TAPT1: variants seen among roughly 807,000 people sequenced by gnomAD.
TAPT1 encodes the protein transmembrane anterior posterior transformation 1, also known as transmembrane anterior posterior transformation protein 1 homolog.
TAPT1 carries 28 observed loss-of-function variants against 65.6 expected under a neutral mutation model. The observed-to-expected ratio is 0.43, with a 90% confidence interval of 0.32 to 0.59. The LOEUF is 0.59. Ranked by LOEUF, TAPT1 falls within the 20% of genes least tolerant of loss-of-function variation. The pLI is 0.09. For missense variants in TAPT1, 563 were observed against 679.9 expected (o/e 0.83, Z 1.91); for synonymous variants, 278 against 245.2 (o/e 1.13, Z -1.25).
At position 16,202,467 on chromosome 4, in the gene TAPT1, G is replaced by A; in HGVS notation, c.444C>T (p.Gly148=). 1 of 1,526,252 alleles carries A rather than the reference G, an allele frequency of 6.6e-7. No individual in the cohort carries two copies. The highest frequency in any genetic ancestry group is 8.9e-7 in the Non-Finnish European group (1 of 1,124,632). The allele number at this position is 1,526,252 out of a possible 1,614,324, so 94.5% of individuals were successfully genotyped here. A position where few individuals can be genotyped will look rare whatever the true frequency, so the allele number is the denominator to read the frequency against. Residue 148 remains glycine, a synonymous_variant, in exon 3 of 14, where the codon GGC becomes GGT. Coordinates refer to ENST00000405303, the MANE Select transcript of TAPT1 (RefSeq NM_153365.3). ...GTTAACGATCTTAAACTTACCTTAA[G>A]CCATAGCAAGGCAAAGTGAGGAGCC... ...LFRLLTLPCY[G]LRDRRLLQPA... is the part of the protein sequence containing the mutation.
intron 13 of TAPT1, 61 bp downstream of exon 13, chr4:16,166,572 C>A: frequency 1.3e-6 from 2 of 1,585,664 alleles, no homozygotes; most frequent in Non-Finnish European, 1.7e-6. Context: ...TAACATTGAT[C>A]AAACTGTGAT....
chr4:16,166,990 T>TC lies in TAPT1; in HGVS notation c.1314-198dup, dbSNP rs75337597. 9.6e-5 allele frequency: 29 copies of TC among 303,310 alleles called. No individual in the cohort carries two copies. The South Asian group carries it at 1.4e-3, about 15-fold the overall frequency. The allele number at this position is 303,310 out of a possible 1,614,324, so 18.8% of individuals were successfully genotyped here. A position where few individuals can be genotyped will look rare whatever the true frequency, so the allele number is the denominator to read the frequency against. On this transcript the variant is annotated intron_variant, in intron 12 of 13. Coordinates refer to ENST00000405303, the MANE Select transcript of TAPT1 (RefSeq NM_153365.3). ...GAAAAACTTCGGAATTCCTTAGTTC[T>TC]CTTTTTTTTTTTTTTTTTTTTTGAG...
At chr4:16,202,646 C>T in intron 2 of TAPT1, 66 bp from the exon 3 acceptor site, 1 of 843,934 alleles carries the variant, frequency 1.2e-6, no homozygotes, top group South Asian at 1.7e-5. Context: ...ATGAAAATTC[C>T]AAACAACCAG....
intron 8 of TAPT1, among the ~76,000 whole-genome samples, chr4:16,177,434 G>T (rs1560157566): frequency 6.6e-6 from 1 of 152,326 alleles, no homozygotes; most frequent in East Asian, 1.9e-4. Context: ...GACTCAGGTA[G>T]CCGGAAGGTG....
At chr4:16,179,761 T>C (rs1748592386) in intron 7 of TAPT1, 104 bp from the exon 8 acceptor site, 2 of 536,218 alleles carry the variant, frequency 3.7e-6, no homozygotes, top group Non-Finnish European at 3.2e-6. Context: ...TATTAGACGA[T>C]GTATAAATGT....
chr4:16,227,052 C>T (rs1330319011), upstream of TAPT1: 3 of 454,566 alleles, frequency 6.6e-6, no homozygotes, highest in Admixed American at 2.3e-5. Flanking sequence ...GCCCTGCCTG[C>T]CCGCTATTTT....
At chr4:16,201,760 A>T (rs1560177354) in intron 3 of TAPT1, among the ~76,000 whole-genome samples, 1 of 151,924 alleles carries the variant, frequency 6.6e-6, no homozygotes, top group African/African-American at 2.4e-5. Context: ...TATGCTGGGT[A>T]TTTTTTTTAC....
chr4:16,186,490 AAAT>A, intron 7 of TAPT1, 42 bp downstream of exon 7: 3 of 1,327,968 alleles, frequency 2.3e-6, no homozygotes, highest in Non-Finnish European at 3.1e-6. Context: ...ATGAACTGCA[AAAT>A]AATACTGCAC....
At chr4:16,214,061 T>C (rs1354786050) in intron 1 of TAPT1, among the ~76,000 whole-genome samples, 163 bp from the exon 2 acceptor site, 1 of 152,202 alleles carries the variant, frequency 6.6e-6, no homozygotes, top group Non-Finnish European at 1.5e-5. Flanking sequence ...GCAAGTATTT[T>C]TGAGAAAAGT....
chr4:16,185,394 G>A (rs996981335), intron 7 of TAPT1, among the ~76,000 whole-genome samples: 2 of 148,420 alleles, frequency 1.3e-5, no homozygotes, highest in African/African-American at 5.0e-5. Context: ...TTGAGACAGC[G>A]TTTCACTCTA....
chr4:16,189,364 A>G (rs1465568567), intron 4 of TAPT1, among the ~76,000 whole-genome samples: 1 of 152,170 alleles, frequency 6.6e-6, no homozygotes, highest in African/African-American at 2.4e-5. Flanking sequence ...CCTGTAGAAT[A>G]TAAGCTCCAT....
At chr4:16,218,801 T>C (rs1389856100) in intron 1 of TAPT1, among the ~76,000 whole-genome samples, 1 of 152,242 alleles carries the variant, frequency 6.6e-6, no homozygotes, top group Non-Finnish European at 1.5e-5. Flanking sequence ...GGTTTGGTGG[T>C]TATCTAATGT....
chr4:16,170,864 A>G, intron 11 of TAPT1, 135 bp from the exon 12 acceptor site: 1 of 624,298 alleles, frequency 1.6e-6, no homozygotes, highest in East Asian at 2.8e-5. Context: ...CTTTGTCTAA[A>G]AATCCAAGAA....
At chr4:16,226,576 T>G (rs1299000150), upstream of TAPT1, 7 of 629,300 alleles carry the variant, frequency 1.1e-5, no homozygotes, top group South Asian at 7.6e-5. Context: ...GCCGCCGCCA[T>G]CCGCGGCCCG....
chr4:16,194,862 T>TCGTCCTCGTCCTCCTCCG (rs1491373607), intron 3 of TAPT1, among the ~76,000 whole-genome samples: 1 of 17,474 alleles, frequency 5.7e-5, no homozygotes, highest in African/African-American at 1.5e-4. Flanking sequence ...GATTTCTGTC[T>TCGTCCTCGTCCTCCTCCG]TCTTCTTCTT....
intron 2 of TAPT1, among the ~76,000 whole-genome samples, chr4:16,210,027 T>C (rs945020142): frequency 6.6e-6 from 1 of 152,184 alleles, no homozygotes; most frequent in Non-Finnish European, 1.5e-5. Flanking sequence ...GTTATAACTG[T>C]AGGCTTCAGG....
chr4:16,181,168 T>C (rs1748688577), intron 7 of TAPT1, among the ~76,000 whole-genome samples: 2 of 152,244 alleles, frequency 1.3e-5, no homozygotes, highest in African/African-American at 4.8e-5. Context: ...GGATCTTAAT[T>C]CATGGGGTTA....
Position 16,174,741 on chromosome 4 carries a change from C to T in TAPT1, c.1108-12G>A, listed in dbSNP as rs1225981627. On this transcript the variant is annotated splice_polypyrimidine_tract_variant and intron_variant, in intron 9 of 13. Transcript: ENST00000405303. ...TATTCACTGTAGACCTAAAAACAAA[C>T]AAGAATGAAATATCAAGTAATACAG... The T allele has an allele frequency of 6.5e-7, 1 of 1,547,238 alleles. No individual in the cohort carries two copies. The highest frequency in any genetic ancestry group is 1.4e-5 in the African/African-American group (1 of 72,390).
intron 3 of TAPT1, among the ~76,000 whole-genome samples, chr4:16,192,652 T>C (rs11730977): frequency 0.75 from 113,710 of 152,098 alleles, 42,687 homozygotes; most frequent in Middle Eastern, 0.87. Flanking sequence ...ATTCTTGTGA[T>C]AAGAATGGGA....
Sources: allele counts gnomAD v4.1 joint callset (sites outside exome capture counted in the v4.1 genomes callset), GRCh38; gene constraint gnomAD v4.1.1; transcripts MANE v1.5; gene names NCBI Gene and HGNC (gene_info 2026-07-23, HGNC 2026-07-21).